Variants in CDC37L1 observed in about 807,000 individuals in gnomAD.
CDC37L1 encodes hsp90 co-chaperone Cdc37-like 1.
In CDC37L1, 32 loss-of-function variants were observed where a neutral mutation model predicts 45.9. That is an observed-to-expected ratio of 0.70 (90% CI 0.53 to 0.94). The LOEUF (loss-of-function observed/expected upper bound fraction) is 0.94, where lower values mean the gene tolerates loss of function less well. Ranked by LOEUF, CDC37L1 falls within the 40% of genes least tolerant of loss-of-function variation. The pLI, the probability that CDC37L1 is intolerant of heterozygous loss-of-function variation, is 0.00. For synonymous variants in CDC37L1, 150 were observed against 133.0 expected (o/e 1.13, Z -0.88); for missense variants, 434 against 405.7 (o/e 1.07, Z -0.60).
chr9:4,691,741 C>T (rs899819458), intron 3 of CDC37L1, among the ~76,000 whole-genome samples: 1 of 152,100 alleles, frequency 6.6e-6, no homozygotes, highest in Non-Finnish European at 1.5e-5. Flanking sequence ...GTGGAATTTA[C>T]CACCTAGTGG....
chr9:4,690,719 C>T (rs1322584788), intron 3 of CDC37L1, among the ~76,000 whole-genome samples: 1 of 152,192 alleles, frequency 6.6e-6, no homozygotes, highest in African/African-American at 2.4e-5. Context: ...CCCAGCCAGA[C>T]CAATAGCCAT....
At position 4,706,715 on chromosome 9, in the gene CDC37L1, A is replaced by G. The variant is rs1841445678; in HGVS notation, c.*603A>G. On this transcript the variant is annotated 3_prime_UTR_variant, in exon 7 of 7. Coordinates refer to ENST00000381854, the MANE Select transcript of CDC37L1 (RefSeq NM_017913.4). ...TGACTATAATACAAATTTGATATAT[A>G]CATTACATTTACCCTCAAATTATTC... 6.6e-6 allele frequency: 1 copy of G among 152,510 alleles called. No individual in the cohort carries two copies. Among genetic ancestry groups the G allele is most frequent in the Non-Finnish European group, 1.5e-5 (1 of 68,040 alleles). The allele number at this position is 152,510 out of a possible 1,614,324, so 9.4% of individuals were successfully genotyped here. A position where few individuals can be genotyped will look rare whatever the true frequency, so the allele number is the denominator to read the frequency against.
intron 1 of CDC37L1, 151 bp from the exon 2 acceptor site, chr9:4,684,726 A>G (rs907121896): frequency 2.1e-5 from 12 of 559,060 alleles, no homozygotes; most frequent in African/African-American, 5.6e-5. Context: ...AACAAGGACT[A>G]AGATATAAAA....
chr9:4,697,313 G>T, intron 4 of CDC37L1, 102 bp downstream of exon 4: 1 of 656,728 alleles, frequency 1.5e-6, no homozygotes, highest in Non-Finnish European at 2.7e-6. Flanking sequence ...TCCTTTAAAA[G>T]AAAGCAGGAA....
intron 1 of CDC37L1, among the ~76,000 whole-genome samples, chr9:4,684,646 GC>G (rs767245113): frequency 9.2e-5 from 14 of 152,294 alleles, no homozygotes; most frequent in South Asian, 2.1e-4. Flanking sequence ...TAGTTGCCAG[GC>G]TTTTTGTTGC....
chr9:4,706,113 T>G lies in CDC37L1; in HGVS notation c.*1T>G, dbSNP rs146797512. ...ACCCAAAATGATGGACACTGTATAA[T>G]TTGGTTAAGACTGCTGAGGCCAAGT... On this transcript the variant is annotated 3_prime_UTR_variant, in exon 7 of 7. Coordinates refer to ENST00000381854, the MANE Select transcript of CDC37L1 (RefSeq NM_017913.4). 469 of 1,527,606 alleles carry G rather than the reference T, an allele frequency of 3.1e-4. No homozygotes were observed. Among genetic ancestry groups the G allele is most frequent in the Non-Finnish European group, 4.1e-4 (457 of 1,102,398 alleles). The allele number at this position is 1,527,606 out of a possible 1,614,324, so 94.6% of individuals were successfully genotyped here.
chr9:4,697,544 C>G (rs995600987), intron 4 of CDC37L1, among the ~76,000 whole-genome samples: 1 of 151,830 alleles, frequency 6.6e-6, no homozygotes, highest in Non-Finnish European at 1.5e-5. Context: ...GGTATTAAAT[C>G]AAGTTCAGAG....
intron 3 of CDC37L1, among the ~76,000 whole-genome samples, chr9:4,695,821 C>G (rs768991602): frequency 3.3e-5 from 5 of 151,968 alleles, no homozygotes; most frequent in Non-Finnish European, 5.9e-5. Flanking sequence ...CAGAGTCTCT[C>G]GCTCTGTCGC....
chr9:4,694,410 T>A (rs1206190505), intron 3 of CDC37L1, among the ~76,000 whole-genome samples: 3 of 152,116 alleles, frequency 2.0e-5, no homozygotes, highest in Admixed American at 6.5e-5. Context: ...AATTCCACAC[T>A]CTTTCCACAA....
intron 1 of CDC37L1, among the ~76,000 whole-genome samples, chr9:4,682,617 TC>T (rs924983737): frequency 6.6e-6 from 1 of 151,366 alleles, no homozygotes; most frequent in African/African-American, 2.4e-5. Context: ...AAGCCACCAC[TC>T]CCGGCCATGC....
intron 6 of CDC37L1, 99 bp downstream of exon 6, chr9:4,702,127 T>G: frequency 1.9e-6 from 1 of 513,400 alleles, no homozygotes. Flanking sequence ...TGTGCTACTA[T>G]TTTAAATATT....
At chr9:4,702,888 CAAAAAAAAAAAAA>C (rs397829063) in intron 6 of CDC37L1, among the ~76,000 whole-genome samples, 1 of 42,962 alleles carries the variant, frequency 2.3e-5, no homozygotes, top group Non-Finnish European at 4.8e-5. Context: ...GACTCCGTCT[CAAAAAAAAAAAAA>C]AAAAAAAAAA....
chr9:4,697,677 T>A, intron 4 of CDC37L1, 80 bp from the exon 5 acceptor site: 1 of 708,706 alleles, frequency 1.4e-6, no homozygotes, highest in South Asian at 1.9e-5. Context: ...AAAAGTATTT[T>A]AAAAATTCAA....
chr9:4,683,022 A>G (rs1841211577), intron 1 of CDC37L1, among the ~76,000 whole-genome samples: 1 of 142,802 alleles, frequency 7.0e-6, no homozygotes, highest in Non-Finnish European at 1.5e-5. Flanking sequence ...TATTAAATAT[A>G]TATTATATTT....
intron 1 of CDC37L1, among the ~76,000 whole-genome samples, chr9:4,682,755 G>A (rs978897439): frequency 3.0e-4 from 45 of 151,946 alleles, no homozygotes; most frequent in Non-Finnish European, 1.3e-4. Context: ...TTACAGGCGT[G>A]AGCCACTGAG....
intron 3 of CDC37L1, among the ~76,000 whole-genome samples, chr9:4,695,209 T>G (rs10974736): frequency 0.47 from 70,645 of 151,874 alleles, 18,534 homozygotes; most frequent in African/African-American, 0.7. Flanking sequence ...TTAAGAGATA[T>G]GGTCTTGCTC....
In CDC37L1 at chr9:4,701,919, CAAGAGT is replaced by C; in HGVS notation, c.808_813del (p.Val270_Arg271del). On this transcript the variant is annotated inframe_deletion, in exon 6 of 7. Coordinates refer to ENST00000381854, the MANE Select transcript of CDC37L1 (RefSeq NM_017913.4). ...AAAAATGAACTTGAAGCTTTCAAGT[CAAGAGT>C]AAGACTTTATTCTCAATCACAAAGT... is the stretch of plus-strand genomic sequence containing the variant. The C allele has an allele frequency of 6.2e-7, 1 of 1,603,574 alleles. No homozygotes were observed. The highest frequency in any genetic ancestry group is 1.1e-5 in the South Asian group (1 of 89,398).
chr9:4,681,207 T>C (rs576356993), intron 1 of CDC37L1, among the ~76,000 whole-genome samples: 6 of 152,366 alleles, frequency 3.9e-5, no homozygotes, highest in African/African-American at 1.4e-4. Context: ...TTTCAGTGCA[T>C]TGTGGTTGAA....
chr9:4,690,243 G>T (rs1362991177), intron 3 of CDC37L1, among the ~76,000 whole-genome samples: 2 of 152,160 alleles, frequency 1.3e-5, no homozygotes, highest in East Asian at 3.8e-4. Context: ...CATTTAGTAA[G>T]ACTACAGATG....
Sources: allele counts gnomAD v4.1 joint callset (sites outside exome capture counted in the v4.1 genomes callset), GRCh38; gene constraint gnomAD v4.1.1; transcripts MANE v1.5; gene names NCBI Gene and HGNC (gene_info 2026-07-23, HGNC 2026-07-21).